The following USP32 variants were observed in gnomAD, a reference collection of about 807,000 sequenced individuals.
USP32 encodes the protein ubiquitin specific peptidase 32.
In USP32, 59 loss-of-function variants were observed where a neutral mutation model predicts 204.8. The ratio of observed to expected loss-of-function variants is 0.29; its 90% CI spans 0.23 to 0.36. The LOEUF (loss-of-function observed/expected upper bound fraction) is 0.36, where lower values mean the gene tolerates loss of function less well. Among genes scored for constraint, USP32 ranks in the 10% least tolerant of loss-of-function variants. The probability of loss-of-function intolerance (pLI) is 1.00; values close to 1 mark genes in which losing one functional copy is unlikely to be tolerated. For synonymous variants in USP32, 517 were observed against 678.4 expected (o/e 0.76, Z 3.70); for missense variants, 1,160 against 1,946.4 (o/e 0.60, Z 7.60).
chr17:60,345,450 C>T (rs2088762866), intron 2 of USP32, 31 bp downstream of exon 2: 1 of 1,610,130 alleles, frequency 6.2e-7, no homozygotes, highest in African/African-American at 1.3e-5. Flanking sequence ...GGATAACTAC[C>T]TCAAAGGAAA....
chr17:60,402,902 C>T (rs904552444), intron 1 of USP32, among the ~76,000 whole-genome samples: 7 of 152,128 alleles, frequency 4.6e-5, no homozygotes, highest in African/African-American at 1.4e-4. Context: ...GTCATAAAAA[C>T]AGCCCACTGT....
intron 2 of USP32, among the ~76,000 whole-genome samples, chr17:60,344,899 A>G (rs2088749411): frequency 6.6e-6 from 1 of 152,176 alleles, no homozygotes; most frequent in Non-Finnish European, 1.5e-5. Flanking sequence ...CTTGGGCTTA[A>G]GCAAGCCTCC....
At chr17:60,211,563 T>C (rs762071559) in intron 19 of USP32, 49 bp from the exon 20 acceptor site, 4 of 1,564,560 alleles carry the variant, frequency 2.6e-6, no homozygotes, top group Non-Finnish European at 3.4e-6. Flanking sequence ...TAATATGCCA[T>C]GGCACAAACA....
At chr17:60,200,327 C>T (rs1188383813) in intron 26 of USP32, among the ~76,000 whole-genome samples, 5 of 152,072 alleles carry the variant, frequency 3.3e-5, no homozygotes, top group African/African-American at 1.2e-4. Context: ...TTTGGGAGGC[C>T]AAGGTGGGTG....
intron 9 of USP32, among the ~76,000 whole-genome samples, chr17:60,260,477 C>A (rs1241565200): frequency 6.6e-6 from 1 of 150,458 alleles, no homozygotes; most frequent in African/African-American, 2.5e-5. Context: ...GAGCCAAAAT[C>A]ACGCTATTAC....
rs183207604 is a variant in USP32, at chr17:60,390,082, T to G, written c.58+1800A>C. On this transcript the variant is annotated intron_variant, in intron 1 of 33. Coordinates refer to ENST00000300896, the MANE Select transcript of USP32 (RefSeq NM_032582.4). ...TCTTAACAAAGATTTTGCTATCTCT[T>G]CAAATACATGTGTTTTAAAATTCAA... Among the ~76,000 whole-genome samples, 35 of 152,340 alleles carry G rather than the reference T, an allele frequency of 2.3e-4. 1 individual carries two copies. Among genetic ancestry groups the G allele is most frequent in the African/African-American group, 7.9e-4 (33 of 41,570 alleles).
intron 1 of USP32, among the ~76,000 whole-genome samples, chr17:60,347,240 A>AGT (rs1275124803): frequency 6.6e-6 from 1 of 151,518 alleles, no homozygotes; most frequent in Non-Finnish European, 1.5e-5. Flanking sequence ...GCTGGAGTGC[A>AGT]GTGGCATGAT....
intron 22 of USP32, 42 bp downstream of exon 22, chr17:60,209,328 A>G (rs756635482): frequency 1.3e-5 from 15 of 1,145,868 alleles, no homozygotes; most frequent in Non-Finnish European, 1.8e-5. Context: ...TGGCCAGAAC[A>G]TTTTGTCTAT....
intron 2 of USP32, among the ~76,000 whole-genome samples, chr17:60,338,263 C>T (rs1034783124): frequency 4.7e-5 from 7 of 148,046 alleles, no homozygotes; most frequent in Non-Finnish European, 7.4e-5. Flanking sequence ...AACTGGAGGT[C>T]GCAGTGAGCC....
chr17:60,350,564 C>T (rs1485089969), intron 1 of USP32, among the ~76,000 whole-genome samples: 1 of 152,222 alleles, frequency 6.6e-6, no homozygotes, highest in African/African-American at 2.4e-5. Flanking sequence ...GCTGGGATTA[C>T]AAGCATGGGC....
chr17:60,341,931 T>C (rs960326926), intron 2 of USP32, among the ~76,000 whole-genome samples: 1 of 152,228 alleles, frequency 6.6e-6, no homozygotes, highest in Non-Finnish European at 1.5e-5. Context: ...TTCTCCATCC[T>C]GCTTTGTTCT....
intron 2 of USP32, 135 bp from the exon 3 acceptor site, chr17:60,301,839 T>C: frequency 1.6e-6 from 1 of 640,748 alleles, no homozygotes; most frequent in Non-Finnish European, 2.7e-6. Flanking sequence ...TCATGTTAAG[T>C]TTCTCCCTCT....
chr17:60,399,025 T>C (rs2089917557), intron 1 of USP32, among the ~76,000 whole-genome samples: 1 of 151,980 alleles, frequency 6.6e-6, no homozygotes, highest in Non-Finnish European at 1.5e-5. Flanking sequence ...AGTCCTACAA[T>C]ACAGGATGTT....
upstream of USP32, chr17:60,392,414 C>A (rs1373359210): frequency 8.0e-6 from 2 of 250,962 alleles, no homozygotes; most frequent in Non-Finnish European, 1.6e-5. Context: ...CAATCGCAGC[C>A]GCGCGCCCCG....
At chr17:60,261,563 T>C (rs555675519) in intron 9 of USP32, among the ~76,000 whole-genome samples, 68 of 152,204 alleles carry the variant, frequency 4.5e-4, no homozygotes, top group East Asian at 2.9e-3. Flanking sequence ...GGAGCATCAC[T>C]TGAACCCAGG....
rs2084084130 is a variant in USP32, at chr17:60,180,633, T to C, written c.4553A>G (p.His1518Arg). The change falls in exon 33 of 34, where the codon CAT becomes CGT. Residue 1518 changes from histidine (H) to arginine (R), a missense_variant. Physicochemically the swap from His to Arg is conservative, Grantham distance 29. Around this residue, in one of 8 missense-constraint regions of USP32, gnomAD observed 244 missense variants for 342.3 expected, o/e 0.71. Transcript: ENST00000300896. ...ATGGCCCCCACCCAGAATTCCTGAA[T>C]GGCACTGTAAGAGATAAGAGAGTGG... ...PIYNLYAISC[H>R]SGILGGGHYV... is the part of the protein sequence containing the mutation. 2 of 1,613,406 alleles carry C rather than the reference T, an allele frequency of 1.2e-6. No homozygotes were observed. Among genetic ancestry groups the C allele is most frequent in the Non-Finnish European group, 1.7e-6 (2 of 1,179,648 alleles).
chr17:60,285,347 A>C (rs1360967527), intron 5 of USP32, among the ~76,000 whole-genome samples: 1 of 152,242 alleles, frequency 6.6e-6, no homozygotes, highest in Admixed American at 6.5e-5. Context: ...AATCAAGCTT[A>C]CTGCCCATTC....
chr17:60,221,075 G>A (rs934925965), intron 15 of USP32, among the ~76,000 whole-genome samples: 6 of 151,762 alleles, frequency 4.0e-5, no homozygotes, highest in African/African-American at 1.5e-4. Flanking sequence ...TTAGTATCAA[G>A]AGGGAGCAAT....
intron 5 of USP32, among the ~76,000 whole-genome samples, chr17:60,281,328 G>C (rs1368149567): frequency 6.6e-6 from 1 of 152,164 alleles, no homozygotes; most frequent in East Asian, 1.9e-4. Context: ...CATGAGGTCA[G>C]GAGTTCAAGA....
Sources: gnomAD v4.1 joint callset for allele counts (sites outside exome capture counted in the v4.1 genomes callset) on GRCh38, gnomAD v4.1.1 for gene constraint, gnomAD v4.1.1 regional missense constraint, MANE v1.5 for transcripts, NCBI Gene and HGNC (gene_info 2026-07-23, HGNC 2026-07-21) for gene names.